The following POT1 variants were observed in gnomAD, a reference collection of about 807,000 sequenced individuals.
POT1 encodes the protein protection of telomeres protein 1.
Under a neutral mutation model 78.5 loss-of-function variants are expected in POT1, and 47 were observed. The observed-to-expected ratio is 0.60, with a 90% CI of 0.47 to 0.76. POT1 has a LOEUF of 0.76. Among genes scored for constraint, POT1 ranks in the 30% least tolerant of loss-of-function variants. The probability of loss-of-function intolerance (pLI) is 0.00; values close to 1 mark genes in which losing one functional copy is unlikely to be tolerated. For missense variants in POT1, 646 were observed against 749.9 expected (o/e 0.86, Z 1.62); for synonymous variants, 259 against 260.7 (o/e 0.99, Z 0.06).
chr7:124,857,748 C>T (rs981082438), intron 9 of POT1, among the ~76,000 whole-genome samples: 2 of 152,170 alleles, frequency 1.3e-5, no homozygotes, highest in Admixed American at 1.3e-4. Context: ...CCTGAATTTA[C>T]CATCTTCATT....
intron 18 of POT1, 58 bp from the exon 19 acceptor site, chr7:124,824,132 GA>G: frequency 9.4e-7 from 1 of 1,062,098 alleles, no homozygotes; most frequent in Middle Eastern, 2.9e-4. Context: ...AAATAACTCT[GA>G]AATAGGTACC....
At chr7:124,865,452 C>A (rs1459681386) in intron 7 of POT1, among the ~76,000 whole-genome samples, 1 of 151,944 alleles carries the variant, frequency 6.6e-6, no homozygotes, top group African/African-American at 2.4e-5. Flanking sequence ...TCCTTAGGGT[C>A]TATTAATTTG....
chr7:124,842,146 C>A (rs2116465284), intron 13 of POT1, among the ~76,000 whole-genome samples: 1 of 152,040 alleles, frequency 6.6e-6, no homozygotes, highest in East Asian at 1.9e-4. Context: ...ATGCATATAA[C>A]CATCAATTAT....
chr7:124,839,062 A>T (rs1794964289), intron 14 of POT1, among the ~76,000 whole-genome samples: 1 of 152,254 alleles, frequency 6.6e-6, no homozygotes, highest in Non-Finnish European at 1.5e-5. Flanking sequence ...AAGAATTACT[A>T]TATAGCTTTA....
chr7:124,858,872 T>C (rs746284496), intron 9 of POT1, 85 bp downstream of exon 9: 4 of 932,132 alleles, frequency 4.3e-6, no homozygotes, highest in Non-Finnish European at 6.3e-6. Flanking sequence ...CCTATACATG[T>C]AACCATATAT....
In POT1 at chr7:124,863,370, C is replaced by T. The variant is rs774576173; in HGVS notation, c.526G>A (p.Gly176Arg). 25 of 1,612,460 alleles carry T rather than the reference C, an allele frequency of 1.6e-5. No homozygotes were observed. Among genetic ancestry groups the T allele is most frequent in the East Asian group, 2.2e-5 (1 of 44,878 alleles). ...CQLLGKAEVD[G>R]ASFLLKVWDG... ...TGTACCTTTAGAAGAAATGATGCTC[C>T]GTCCACTTCTGCTTTGCCCAAGAGC... Residue 176 changes from glycine (G) to arginine (R), a missense_variant, in exon 8 of 19, where the codon GGA (glycine) becomes AGA (arginine). Transcript: ENST00000357628.
intron 9 of POT1, chr7:124,853,340 G>A (rs973441758): frequency 6.0e-6 from 3 of 498,898 alleles, no homozygotes; most frequent in Admixed American, 7.2e-5. Flanking sequence ...ATATGGACAT[G>A]TGCATGCATA....
chr7:124,846,535 G>A (rs1470369702), intron 12 of POT1, among the ~76,000 whole-genome samples: 2 of 151,866 alleles, frequency 1.3e-5, no homozygotes, highest in African/African-American at 2.4e-5. Flanking sequence ...ATTGCAAGGA[G>A]CTCCTTTATG....
Position 124,852,976 on chromosome 7 carries a change from T to G in POT1, c.865A>C (p.Lys289Gln). The part of the protein sequence containing the change: ...PESNSDVDQL[K>Q]KDLESANLTA... ...TTCTAAATACTAAAAGCTTACTTTT[T>G]CAGTTGATCCACATCAGAGTTACTT... Residue 289 changes from lysine (K) to glutamine (Q), a missense_variant, in exon 10 of 19, where the codon AAA becomes CAA. Around this residue, in one of 2 missense-constraint regions of POT1, gnomAD observed 394 missense variants for 408.4 expected, o/e 0.96. Transcript: ENST00000357628. 1 of 1,609,010 alleles carries G rather than the reference T, an allele frequency of 6.2e-7. No individual in the cohort carries two copies. The highest frequency in any genetic ancestry group is 8.5e-7 in the Non-Finnish European group (1 of 1,178,270).
chr7:124,839,602 T>C (rs1002060917), intron 14 of POT1, among the ~76,000 whole-genome samples: 1 of 152,206 alleles, frequency 6.6e-6, no homozygotes, highest in Non-Finnish European at 1.5e-5. Context: ...TTATAATACT[T>C]AGAAACATAA....
intron 6 of POT1, among the ~76,000 whole-genome samples, chr7:124,880,125 G>T (rs1314972300): frequency 6.6e-6 from 1 of 151,854 alleles, no homozygotes; most frequent in Non-Finnish European, 1.5e-5. Flanking sequence ...ACATAATTAA[G>T]CAATTTCACA....
chr7:124,893,300 C>T (rs1178383899), intron 5 of POT1, among the ~76,000 whole-genome samples: 1 of 151,192 alleles, frequency 6.6e-6, no homozygotes, highest in African/African-American at 2.4e-5. Context: ...TTCCATAGGC[C>T]TAAATTTTGA....
At chr7:124,834,412 C>A (rs1266408301) in intron 15 of POT1, among the ~76,000 whole-genome samples, 1 of 151,998 alleles carries the variant, frequency 6.6e-6, no homozygotes, top group African/African-American at 2.4e-5. Flanking sequence ...AAAAAAACAA[C>A]CCCATCAAAA....
At chr7:124,905,645 T>C (rs890761217) in intron 3 of POT1, among the ~76,000 whole-genome samples, 2 of 152,030 alleles carry the variant, frequency 1.3e-5, no homozygotes, top group Non-Finnish European at 2.9e-5. Flanking sequence ...CGGGATCTAA[T>C]TAAACTAAAG....
At chr7:124,883,983 A>G (rs902608745) in intron 6 of POT1, among the ~76,000 whole-genome samples, 2 of 152,012 alleles carry the variant, frequency 1.3e-5, no homozygotes, top group African/African-American at 2.4e-5. Flanking sequence ...TCAATAATAC[A>G]TAGTTGACAT....
At chr7:124,827,334 A>C (rs1295021214) in intron 16 of POT1, 29 bp from the exon 17 acceptor site, 2 of 1,301,544 alleles carry the variant, frequency 1.5e-6, no homozygotes, top group Non-Finnish European at 2.2e-6. Flanking sequence ...ATCAAACCAT[A>C]TGAGTCTGCT....
chr7:124,825,376 G>GA lies in POT1; in HGVS notation c.1687-20dup. The GA allele has an allele frequency of 6.8e-7, 1 of 1,465,902 alleles. No individual in the cohort carries two copies. The highest frequency in any genetic ancestry group is 2.0e-5 in the Admixed American group (1 of 50,950). 90.8% of individuals were successfully genotyped at this position (1,465,902 alleles called of 1,614,324 possible). ...ATTTGTCCTTAAAAATGTTTCATGA[G>GA]AGAAAAAAAAAGGAAATAATATTAA... On this transcript the variant is annotated intron_variant, in intron 17 of 18. Coordinates refer to ENST00000357628, the MANE Select transcript of POT1 (RefSeq NM_015450.3).
intron 3 of POT1, among the ~76,000 whole-genome samples, chr7:124,908,448 C>T (rs1796817046): frequency 6.6e-6 from 1 of 152,000 alleles, no homozygotes; most frequent in African/African-American, 2.4e-5. Flanking sequence ...ACATCAGCCA[C>T]ATATTGTGTG....
chr7:124,860,870 T>C (rs761996212), intron 8 of POT1, among the ~76,000 whole-genome samples: 1 of 152,064 alleles, frequency 6.6e-6, no homozygotes, highest in Non-Finnish European at 1.5e-5. Context: ...TGGTTTTCCG[T>C]TCTTGTGTTA....
Sources: gnomAD v4.1 joint callset for allele counts (sites outside exome capture counted in the v4.1 genomes callset) on GRCh38, gnomAD v4.1.1 for gene constraint, gnomAD v4.1.1 regional missense constraint, MANE v1.5 for transcripts, NCBI Gene and HGNC (gene_info 2026-07-23, HGNC 2026-07-21) for gene names.